PIP5K1B: variants seen among roughly 807,000 people sequenced by gnomAD.
PIP5K1B encodes the protein phosphatidylinositol-4-phosphate 5-kinase type 1 beta.
In PIP5K1B, 42 loss-of-function variants were observed where a neutral mutation model predicts 67.0. The ratio of observed to expected loss-of-function variants is 0.63; its 90% confidence interval spans 0.49 to 0.81. The LOEUF (loss-of-function observed/expected upper bound fraction) is 0.81. Ranked by LOEUF, PIP5K1B falls within the 30% of genes least tolerant of loss-of-function variation. PIP5K1B has a pLI of 0.00. For synonymous variants in PIP5K1B, 214 were observed against 231.4 expected, an observed-to-expected ratio of 0.92 and a Z score of 0.68; for missense variants, 459 against 646.3, an observed-to-expected ratio of 0.71 and a Z score of 3.14.
At chr9:68,823,991 G>A in intron 4 of PIP5K1B, 1 of 442,270 alleles carries the variant, frequency 2.3e-6, no homozygotes, top group South Asian at 1.7e-5. Context: ...TGGTGTGGTT[G>A]GAAAAGAGTT....
chr9:68,852,178 A>G (rs971733261), intron 4 of PIP5K1B, among the ~76,000 whole-genome samples: 1 of 152,174 alleles, frequency 6.6e-6, no homozygotes, highest in African/African-American at 2.4e-5. Context: ...ATGTATACCT[A>G]TGTAACAAAC....
intron 14 of PIP5K1B, among the ~76,000 whole-genome samples, chr9:68,975,908 AT>A (rs1226957549): frequency 6.6e-6 from 1 of 152,296 alleles, no homozygotes; most frequent in East Asian, 1.9e-4. Flanking sequence ...GACACACCCT[AT>A]TCCACTATGA....
rs540954973 is a variant in PIP5K1B at position 68,917,938 on chromosome 9, G to A, written c.983+179G>A. 5.3e-5 allele frequency among the ~76,000 whole-genome samples: 8 copies of A among 152,194 alleles called. No individual in the cohort carries two copies. The East Asian group carries it at 1.5e-3, about 29-fold the overall frequency. Reference sequence around the variant, plus strand: ...TCTAAAGATAACTAGATGAGTGGCAGTTTCTCCAGTTATTACTCCTTCACC... The same window carrying A: ...TCTAAAGATAACTAGATGAGTGGCAATTTCTCCAGTTATTACTCCTTCACC... On this transcript the variant is annotated intron_variant, in intron 9 of 15. Coordinates refer to ENST00000265382, the MANE Select transcript of PIP5K1B (RefSeq NM_003558.4).
intron 2 of PIP5K1B, among the ~76,000 whole-genome samples, chr9:68,817,256 A>G (rs1321178441): frequency 2.0e-5 from 3 of 152,226 alleles, no homozygotes; most frequent in Non-Finnish European, 4.4e-5. Context: ...GTCAATAAGC[A>G]GGCACTCACC....
chr9:68,923,245 T>A, intron 11 of PIP5K1B, 57 bp from the exon 12 acceptor site: 1 of 939,184 alleles, frequency 1.1e-6, no homozygotes, highest in South Asian at 1.4e-5. Flanking sequence ...ATCTCTCTTC[T>A]GACTTGAGAT....
chr9:68,780,076 GGCGGCGGCAGC>G, intron 2 of PIP5K1B: 1 of 1,429,968 alleles, frequency 7.0e-7, no homozygotes, highest in Non-Finnish European at 9.1e-7. Flanking sequence ...GATTCTCGGT[GGCGGCGGCAGC>G]GGCGGCGGCC....
At chr9:68,723,181 AGAGAGAGAGAGAGAGAGG>A (rs200737777) in intron 1 of PIP5K1B, among the ~76,000 whole-genome samples, 34,732 of 148,230 alleles carry the variant, frequency 0.23, 4,333 homozygotes, top group African/African-American at 0.33. Context: ...TGTGTGTGTG[AGAGAGAGAGAGAGAGAGG>A]GAGAGAGAGA....
intron 2 of PIP5K1B, chr9:68,780,316 T>C (rs1308982917): frequency 6.2e-7 from 1 of 1,603,938 alleles, no homozygotes; most frequent in African/African-American, 1.3e-5. Context: ...TCGCCGGTGT[T>C]CCAGGCCGAG....
chr9:68,732,882 C>G (rs982490163), intron 1 of PIP5K1B, among the ~76,000 whole-genome samples: 23 of 140,596 alleles, frequency 1.6e-4, no homozygotes, highest in African/African-American at 6.0e-4. Flanking sequence ...CCATGAAAAG[C>G]TCATAATCCG....
chr9:68,753,193 T>TA, intron 2 of PIP5K1B, among the ~76,000 whole-genome samples: 1 of 148,966 alleles, frequency 6.7e-6, no homozygotes, highest in East Asian at 2.0e-4. Flanking sequence ...TTTTTTTTTT[T>TA]AACATTTTAA....
chr9:68,778,619 C>T (rs1041244102), intron 2 of PIP5K1B, among the ~76,000 whole-genome samples: 1 of 152,146 alleles, frequency 6.6e-6, no homozygotes, highest in Non-Finnish European at 1.5e-5. Context: ...GTACTGTTGC[C>T]ATAGGTCCTG....
chr9:68,799,180 A>T (rs1177330581), intron 2 of PIP5K1B, among the ~76,000 whole-genome samples: 2 of 152,232 alleles, frequency 1.3e-5, no homozygotes, highest in African/African-American at 4.8e-5. Context: ...ATTATATTTG[A>T]GATAAGCACA....
intron 5 of PIP5K1B, among the ~76,000 whole-genome samples, chr9:68,865,628 C>A (rs1032452708): frequency 3.3e-5 from 5 of 152,210 alleles, no homozygotes; most frequent in African/African-American, 2.4e-5. Context: ...CTGACCTCTT[C>A]TACTTCCAGT....
intron 4 of PIP5K1B, among the ~76,000 whole-genome samples, chr9:68,862,422 C>T (rs905679842): frequency 1.2e-4 from 18 of 152,006 alleles, no homozygotes; most frequent in African/African-American, 3.4e-4. Flanking sequence ...GATCAAGGAC[C>T]GAATTCAGGG....
intron 14 of PIP5K1B, among the ~76,000 whole-genome samples, chr9:68,955,948 T>C (rs1032639909): frequency 2.0e-5 from 3 of 152,198 alleles, no homozygotes; most frequent in African/African-American, 7.2e-5. Flanking sequence ...ATCAACCCTC[T>C]ACGGTAAGCA....
intron 15 of PIP5K1B, among the ~76,000 whole-genome samples, chr9:68,991,476 G>A (rs1270289421): frequency 6.6e-6 from 1 of 152,160 alleles, no homozygotes; most frequent in East Asian, 1.9e-4. Context: ...AAATCACCAC[G>A]TATAACAAGA....
chr9:68,961,454 A>G (rs1828742939), intron 14 of PIP5K1B, among the ~76,000 whole-genome samples: 1 of 152,234 alleles, frequency 6.6e-6, no homozygotes, highest in Admixed American at 6.5e-5. Context: ...TACATATGAT[A>G]TATCAATAAA....
intron 14 of PIP5K1B, among the ~76,000 whole-genome samples, chr9:68,951,627 G>T (rs1564263583): frequency 6.6e-6 from 1 of 152,158 alleles, no homozygotes; most frequent in African/African-American, 2.4e-5. Context: ...AACTCATCCT[G>T]AAAGAATCAC....
At chr9:68,722,466 C>T (rs1323215665) in intron 1 of PIP5K1B, among the ~76,000 whole-genome samples, 4 of 152,014 alleles carry the variant, frequency 2.6e-5, no homozygotes, top group Non-Finnish European at 4.4e-5. Flanking sequence ...CCGCCCGCCT[C>T]GGCCTCCCAG....
Sources: gnomAD v4.1 joint callset for allele counts (sites outside exome capture counted in the v4.1 genomes callset) on GRCh38, gnomAD v4.1.1 for gene constraint, MANE v1.5 for transcripts, NCBI Gene and HGNC (gene_info 2026-07-23, HGNC 2026-07-21) for gene names.